Variants in SNAP25 observed in about 807,000 individuals in gnomAD.
SNAP25 encodes the protein synaptosome associated protein 25.
Under a neutral mutation model 28.7 loss-of-function variants are expected in SNAP25, and 3 were observed. That is an observed-to-expected ratio of 0.10 (90% CI 0.05 to 0.27). SNAP25 has a LOEUF of 0.27. SNAP25 is among the 10% of genes least tolerant of loss of function. The pLI is 1.00. For synonymous variants in SNAP25, 61 were observed against 88.1 expected, an observed-to-expected ratio of 0.69 and a Z score of 1.72; for missense variants, 117 against 278.7, an observed-to-expected ratio of 0.42 and a Z score of 4.13.
At chr20:10,236,928 C>A (rs1318156394) in intron 1 of SNAP25, among the ~76,000 whole-genome samples, 2 of 151,240 alleles carry the variant, frequency 1.3e-5, no homozygotes, top group African/African-American at 2.4e-5. Flanking sequence ...CCTGCACCAG[C>A]TTCAGTTTAC....
intron 1 of SNAP25, among the ~76,000 whole-genome samples, chr20:10,269,543 G>T (rs1437047742): frequency 6.6e-6 from 1 of 152,094 alleles, no homozygotes; most frequent in Non-Finnish European, 1.5e-5. Context: ...AATGCTCTGG[G>T]GATATTAAGA....
At chr20:10,275,747 G>C (rs2063681541) in intron 2 of SNAP25, among the ~76,000 whole-genome samples, 184 bp downstream of exon 2, 1 of 152,204 alleles carries the variant, frequency 6.6e-6, no homozygotes, top group African/African-American at 2.4e-5. Context: ...TATAGAAGCT[G>C]CATACAAATT....
intron 4 of SNAP25, among the ~76,000 whole-genome samples, chr20:10,287,801 C>T (rs532828846): frequency 2.4e-4 from 36 of 151,614 alleles, no homozygotes; most frequent in African/African-American, 8.5e-4. Context: ...AAATGTGGCA[C>T]ATATACACCA....
intron 1 of SNAP25, among the ~76,000 whole-genome samples, chr20:10,236,200 A>G (rs545455018): frequency 6.6e-6 from 1 of 152,216 alleles, no homozygotes; most frequent in East Asian, 1.9e-4. Flanking sequence ...CCCTGTCCCC[A>G]TAGACCTTGG....
chr20:10,305,234 C>T (rs1217397367), intron 7 of SNAP25, among the ~76,000 whole-genome samples: 1 of 152,048 alleles, frequency 6.6e-6, no homozygotes, highest in Non-Finnish European at 1.5e-5. Context: ...AAGCATTTTC[C>T]AGTGTATTTA....
intron 1 of SNAP25, among the ~76,000 whole-genome samples, chr20:10,263,459 A>T (rs750920990): frequency 1.3e-5 from 2 of 152,128 alleles, no homozygotes; most frequent in Non-Finnish European, 2.9e-5. Context: ...AATACATACC[A>T]GCTTCCTTCC....
chr20:10,290,337 CT>C (rs1414556273), intron 4 of SNAP25, among the ~76,000 whole-genome samples: 2 of 152,144 alleles, frequency 1.3e-5, no homozygotes, highest in Non-Finnish European at 2.9e-5. Flanking sequence ...ATATATTCAA[CT>C]GATATTGGTA....
chr20:10,246,632 A>G (rs1393673133), intron 1 of SNAP25, among the ~76,000 whole-genome samples: 1 of 152,194 alleles, frequency 6.6e-6, no homozygotes. Context: ...CACTTTGCAG[A>G]CAAGTCTCCT....
intron 3 of SNAP25, among the ~76,000 whole-genome samples, chr20:10,279,586 G>A (rs6077717): frequency 0.15 from 22,632 of 152,100 alleles, 1,905 homozygotes; most frequent in Admixed American, 0.2. Context: ...TTCATGTATC[G>A]TCTTAAACTG....
intron 1 of SNAP25, among the ~76,000 whole-genome samples, chr20:10,243,466 G>A (rs1166345440): frequency 6.6e-6 from 1 of 152,050 alleles, no homozygotes; most frequent in African/African-American, 2.4e-5. Flanking sequence ...GCATTTAATT[G>A]TCATGTCTCC....
intron 1 of SNAP25, among the ~76,000 whole-genome samples, chr20:10,237,679 A>T (rs903131040): frequency 1.3e-5 from 2 of 152,172 alleles, no homozygotes; most frequent in African/African-American, 4.8e-5. Context: ...TCCAGTTCTC[A>T]GGACAACATG....
At chr20:10,297,741 C>T (rs1006248464) in intron 6 of SNAP25, among the ~76,000 whole-genome samples, 1 of 152,162 alleles carries the variant, frequency 6.6e-6, no homozygotes, top group Non-Finnish European at 1.5e-5. Context: ...ACTCCTCTTG[C>T]CCTGCAGTTT....
At chr20:10,294,202 T>A (rs929880695) in intron 5 of SNAP25, among the ~76,000 whole-genome samples, 6 of 152,186 alleles carry the variant, frequency 3.9e-5, no homozygotes, top group African/African-American at 1.4e-4. Context: ...AAAGAAGACT[T>A]TTTCCTAAAA....
chr20:10,242,349 G>T (rs1241993385), intron 1 of SNAP25, among the ~76,000 whole-genome samples: 1 of 152,148 alleles, frequency 6.6e-6, no homozygotes, highest in Non-Finnish European at 1.5e-5. Context: ...GCCAGGCTTT[G>T]GTAGCCCTGA....
chr20:10,252,753 CTCA>C (rs1429934523), intron 1 of SNAP25, among the ~76,000 whole-genome samples: 1 of 149,466 alleles, frequency 6.7e-6, no homozygotes, highest in East Asian at 2.0e-4. Flanking sequence ...AAAGAATTTT[CTCA>C]TCTTTTTTTT....
At chr20:10,264,841 A>T (rs1025511121) in intron 1 of SNAP25, among the ~76,000 whole-genome samples, 1 of 152,042 alleles carries the variant, frequency 6.6e-6, no homozygotes, top group Non-Finnish European at 1.5e-5. Flanking sequence ...ATTGCTTTCC[A>T]TAGGTAATGT....
At chr20:10,240,805 C>T (rs1003470979) in intron 1 of SNAP25, among the ~76,000 whole-genome samples, 4 of 152,210 alleles carry the variant, frequency 2.6e-5, no homozygotes, top group Non-Finnish European at 1.5e-5. Flanking sequence ...AATCATCCCT[C>T]CAGAGGAGGC....
Position 10,277,703 on chromosome 20 carries a change from C to T in SNAP25, c.91C>T (p.Arg31Cys), listed in dbSNP as rs1399426841. Residue 31 changes from arginine to cysteine, a missense_variant, in exon 3 of 8, where the codon CGT becomes TGT. By Grantham distance (180) the Arg-to-Cys change is radical. This residue lies in a region of SNAP25 where 29 missense variants were observed against 53.5 expected (regional missense o/e 0.54). Coordinates refer to ENST00000254976, the MANE Select transcript of SNAP25 (RefSeq NM_130811.4). ...LADESLESTR[R>C]MLQLVEESKD... ...ATCTTAGTCGCTGGAAAGCACCCGT[C>T]GTATGCTGCAACTGGTTGAAGAGGT... The T allele has an allele frequency of 1.9e-6, 3 of 1,613,524 alleles. No homozygotes were observed. Among genetic ancestry groups the T allele is most frequent in the Non-Finnish European group, 2.5e-6 (3 of 1,179,904 alleles).
intron 1 of SNAP25, among the ~76,000 whole-genome samples, chr20:10,236,476 G>T (rs946058868): frequency 1.3e-5 from 2 of 152,202 alleles, no homozygotes; most frequent in African/African-American, 4.8e-5. Flanking sequence ...GCCTGTCTTG[G>T]TAAAGACGAT....
Sources: gnomAD v4.1 joint callset for allele counts (sites outside exome capture counted in the v4.1 genomes callset) on GRCh38, gnomAD v4.1.1 for gene constraint, gnomAD v4.1.1 regional missense constraint, MANE v1.5 for transcripts, NCBI Gene and HGNC (gene_info 2026-07-23, HGNC 2026-07-21) for gene names.